The following THAP4 variants were observed in gnomAD, a reference collection of about 807,000 sequenced individuals.
THAP4 encodes THAP domain containing 4.
THAP4 carries 18 observed loss-of-function variants against 48.1 expected under a neutral mutation model. That is an observed-to-expected ratio of 0.37 (90% CI 0.26 to 0.56). The LOEUF (loss-of-function observed/expected upper bound fraction) is 0.56, where lower values mean the gene tolerates loss of function less well. Among genes scored for constraint, THAP4 ranks in the 20% least tolerant of loss-of-function variants. The pLI is 0.78. For missense variants in THAP4, 656 were observed against 774.9 expected (o/e 0.85, Z 1.82); for synonymous variants, 345 against 324.9 (o/e 1.06, Z -0.66).
At position 241,584,475 on chromosome 2, in the gene THAP4, T is replaced by C; in HGVS notation, c.*131A>G. 1 of 977,398 alleles carries C rather than the reference T, an allele frequency of 1.0e-6. No individual in the cohort carries two copies. The allele number at this position is 977,398 out of a possible 1,614,324, so 60.5% of individuals were successfully genotyped here. On this transcript the variant is annotated 3_prime_UTR_variant, in exon 6 of 6. Transcript: ENST00000407315. Reference sequence around the variant, plus strand: ...GTTTTTCTATGCCAGTACAGAAACATCTGGACAACACTCTTGAGCCTGCAG... The same window carrying C: ...GTTTTTCTATGCCAGTACAGAAACACCTGGACAACACTCTTGAGCCTGCAG...
chr2:241,615,783 G>A (rs563588415), intron 2 of THAP4, among the ~76,000 whole-genome samples: 1 of 152,308 alleles, frequency 6.6e-6, no homozygotes, highest in Admixed American at 6.5e-5. Flanking sequence ...TCTTCTCCCA[G>A]GTGGGAGTGA....
At chr2:241,593,781 G>A (rs1229281089) in intron 5 of THAP4, among the ~76,000 whole-genome samples, 4 of 152,156 alleles carry the variant, frequency 2.6e-5, no homozygotes, top group East Asian at 3.8e-4. Context: ...CCGGCTCCCA[G>A]GCTCAAGCGA....
chr2:241,589,586 G>A (rs565504496), intron 5 of THAP4, among the ~76,000 whole-genome samples: 1 of 152,074 alleles, frequency 6.6e-6, no homozygotes, highest in Non-Finnish European at 1.5e-5. Flanking sequence ...AACCCTTGGC[G>A]AGGCTGTGGG....
In THAP4 at chr2:241,607,063, T is replaced by A. The variant is rs144522634; in HGVS notation, c.1241-590A>T. ...GGGCAGGCGGGGTTTAAAAGGGAAGTAAGACCCCGCTTCCCTGAGGAGGGG... is the reference window on the plus strand; with the variant it reads ...GGGCAGGCGGGGTTTAAAAGGGAAGAAAGACCCCGCTTCCCTGAGGAGGGG... On this transcript the variant is annotated intron_variant, in intron 2 of 5. Coordinates refer to ENST00000407315, the MANE Select transcript of THAP4 (RefSeq NM_015963.6). 2.4e-3 allele frequency among the ~76,000 whole-genome samples: 368 copies of A among 152,024 alleles called. 2 individuals are homozygous for A. The highest frequency in any genetic ancestry group is 3.9e-3 in the Non-Finnish European group (268 of 67,932).
intron 5 of THAP4, among the ~76,000 whole-genome samples, chr2:241,599,808 A>G (rs772152598): frequency 3.9e-5 from 6 of 152,206 alleles, no homozygotes; most frequent in Non-Finnish European, 7.3e-5. Flanking sequence ...TGAGTAAGAA[A>G]ATTTGGAGAA....
At chr2:241,629,408 C>T (rs2067531590) in intron 2 of THAP4, among the ~76,000 whole-genome samples, 1 of 151,202 alleles carries the variant, frequency 6.6e-6, no homozygotes, top group Non-Finnish European at 1.5e-5. Flanking sequence ...GAGGTCAAGG[C>T]TGCAGTGAGC....
chr2:241,605,665 G>A (rs562211070), intron 3 of THAP4, among the ~76,000 whole-genome samples: 75 of 152,070 alleles, frequency 4.9e-4, no homozygotes, highest in Non-Finnish European at 1.0e-3. Flanking sequence ...TCAGGGGTAC[G>A]TGTAAAATAC....
chr2:241,609,664 G>A (rs921075104), intron 2 of THAP4, among the ~76,000 whole-genome samples: 2 of 152,168 alleles, frequency 1.3e-5, no homozygotes, highest in African/African-American at 2.4e-5. Context: ...GCACACGCCT[G>A]TAATCCCAGT....
At chr2:241,594,980 C>A (rs1418223630) in intron 5 of THAP4, among the ~76,000 whole-genome samples, 1 of 152,134 alleles carries the variant, frequency 6.6e-6, no homozygotes, top group African/African-American at 2.4e-5. Flanking sequence ...CACAGAATTG[C>A]ACACTGTGAG....
rs191843255 is a variant in THAP4 at position 241,632,919 on chromosome 2, C to T, written c.1238G>A (p.Arg413His). Residue 413 changes from arginine to histidine, a missense_variant and splice_region_variant, in exon 2 of 6, where the codon CGC becomes CAC. Physicochemically the swap from Arg to His is conservative, Grantham distance 29. Transcript: ENST00000407315. Reference protein sequence around the residue: ...PYPSSLLSPSREPPKMNPVVE... With the variant: ...PYPSSLLSPSHEPPKMNPVVE... The stretch of plus-strand genomic sequence containing the variant: ...GTACGCGAGGCTCCGGTACTGACCG[C>T]GGCTGGGCGACAGCAGGCTACTTGG... The T allele has an allele frequency of 2.4e-5, 39 of 1,594,420 alleles. No homozygotes were observed. The East Asian group carries it at 3.4e-4, about 14-fold the overall frequency.
At position 241,635,155 on chromosome 2, in the gene THAP4, C is replaced by G. The variant is rs376258760; in HGVS notation, c.78-1076G>C. ...GTAGGAAAGGCTGGGAGCCGTGGCT[C>G]ATGCCTGTGATCCCAGCTACTCTGG... On this transcript the variant is annotated intron_variant, in intron 1 of 5. Coordinates refer to ENST00000407315, the MANE Select transcript of THAP4 (RefSeq NM_015963.6). Among the ~76,000 whole-genome samples, 30 of 152,308 alleles carry G rather than the reference C, an allele frequency of 2.0e-4. No homozygotes were observed. In the East Asian group the frequency reaches 4.4e-3, roughly 23 times the overall value.
intron 5 of THAP4, among the ~76,000 whole-genome samples, chr2:241,595,588 G>A (rs1559219125): frequency 6.6e-6 from 1 of 151,700 alleles, no homozygotes; most frequent in Non-Finnish European, 1.5e-5. Context: ...GATGAGCTGA[G>A]ATGGCGCCAC....
chr2:241,635,359 C>G (rs750877100), intron 1 of THAP4, among the ~76,000 whole-genome samples: 5 of 152,196 alleles, frequency 3.3e-5, no homozygotes, highest in Non-Finnish European at 7.3e-5. Flanking sequence ...AAAAAAGCAA[C>G]CAGCGCAGGA....
intron 2 of THAP4, among the ~76,000 whole-genome samples, chr2:241,620,198 G>A (rs2067407773): frequency 2.4e-5 from 2 of 82,500 alleles, no homozygotes; most frequent in East Asian, 8.0e-4. Flanking sequence ...TGAGGGGTGA[G>A]GAGTGAGTGA....
At chr2:241,631,889 ATTTCTT>A (rs1342961214) in intron 2 of THAP4, among the ~76,000 whole-genome samples, 1 of 149,432 alleles carries the variant, frequency 6.7e-6, no homozygotes, top group African/African-American at 2.5e-5. Context: ...AATGTATTGT[ATTTCTT>A]TTTTTTTTTT....
intron 2 of THAP4, among the ~76,000 whole-genome samples, chr2:241,624,823 T>A (rs898833313): frequency 2.0e-5 from 3 of 152,140 alleles, no homozygotes; most frequent in Admixed American, 6.5e-5. Context: ...AATCACTTTA[T>A]TAGAACATTC....
At chr2:241,599,707 C>T (rs1359650084) in intron 5 of THAP4, among the ~76,000 whole-genome samples, 2 of 152,130 alleles carry the variant, frequency 1.3e-5, no homozygotes, top group African/African-American at 4.8e-5. Context: ...TACCCAAATT[C>T]ATTCATGTAT....
intron 5 of THAP4, among the ~76,000 whole-genome samples, chr2:241,594,972 CAG>C (rs2067030182): frequency 1.3e-5 from 2 of 152,154 alleles, no homozygotes; most frequent in South Asian, 4.1e-4. Flanking sequence ...CTAAAAACCA[CAG>C]AATTGCACAC....
At chr2:241,594,211 G>T (rs531190381) in intron 5 of THAP4, among the ~76,000 whole-genome samples, 1 of 152,196 alleles carries the variant, frequency 6.6e-6, no homozygotes, top group Non-Finnish European at 1.5e-5. Context: ...AGAGAAGGAA[G>T]ATTAGTGGTA....
Sources: gnomAD v4.1 joint callset for allele counts (sites outside exome capture counted in the v4.1 genomes callset) on GRCh38, gnomAD v4.1.1 for gene constraint, MANE v1.5 for transcripts, NCBI Gene and HGNC (gene_info 2026-07-23, HGNC 2026-07-21) for gene names.